The following TIAM1 variants were observed in gnomAD, a reference collection of about 807,000 sequenced individuals.
The protein encoded by TIAM1 is TIAM Rac1 associated GEF 1.
Under a neutral mutation model 163.5 loss-of-function variants are expected in TIAM1, and 65 were observed. The ratio of observed to expected loss-of-function variants is 0.40; its 90% CI spans 0.33 to 0.49. TIAM1 has a LOEUF of 0.49. Ranked by LOEUF, TIAM1 falls within the 20% of genes least tolerant of loss-of-function variation. The pLI, the probability that TIAM1 is intolerant of heterozygous loss-of-function variation, is 0.77. For missense variants in TIAM1, 1,789 were observed against 2,044.7 expected (o/e 0.87, Z 2.41); for synonymous variants, 833 against 810.1 (o/e 1.03, Z -0.48).
chr21:31,286,930 C>T (rs1158541412), intron 2 of TIAM1, among the ~76,000 whole-genome samples: 2 of 151,862 alleles, frequency 1.3e-5, no homozygotes, highest in African/African-American at 4.8e-5. Flanking sequence ...TTAGTCACTC[C>T]TCATTTTAAA....
In TIAM1 at chr21:31,141,026, A is replaced by G; in HGVS notation, c.3774+92T>C. The G allele has an allele frequency of 1.0e-6, 1 of 969,338 alleles. No individual in the cohort carries two copies. The highest frequency in any genetic ancestry group is 2.7e-5 in the East Asian group (1 of 37,614). 60.0% of individuals were successfully genotyped at this position (969,338 alleles called of 1,614,324 possible). Reference sequence around the variant, plus strand: ...CAGCATCCTAACTATTTTACTTACAAGTAACACCTTTTTAAAAAATAAATA... The same window carrying G: ...CAGCATCCTAACTATTTTACTTACAGGTAACACCTTTTTAAAAAATAAATA... On this transcript the variant is annotated intron_variant, in intron 22 of 27. Transcript: ENST00000541036. The surrounding 1 kb of genome is among the most constrained non-coding windows in gnomAD (Gnocchi z 4.7).
intron 1 of TIAM1, among the ~76,000 whole-genome samples, chr21:31,555,110 T>C (rs2048830596): frequency 6.6e-6 from 1 of 152,198 alleles, no homozygotes; most frequent in South Asian, 2.1e-4. Context: ...TGAGTACTGC[T>C]TTATTTCTGA....
At position 31,120,824 on chromosome 21, in the gene TIAM1, G is replaced by C; in HGVS notation, c.4320C>G (p.Ser1440Arg). ...GCCGCCTCCTCCTCCCAAGAGACTT[G>C]CTTGGGGCAGACACTGCACACACAC... ...PAMSRAVSAP[S>R]KSLGRRRRRL... Residue 1440 changes from serine to arginine, a missense_variant, in exon 28 of 28, where the codon AGC becomes AGG. Ser to Arg is a moderately radical substitution (Grantham distance 110, BLOSUM62 -1). Coordinates refer to ENST00000541036, the MANE Select transcript of TIAM1 (RefSeq NM_001353694.2). The surrounding 1 kb of genome is among the most constrained non-coding windows in gnomAD (Gnocchi z 4.2). 1 of 1,611,678 alleles carries C rather than the reference G, an allele frequency of 6.2e-7. No individual in the cohort carries two copies. The highest frequency in any genetic ancestry group is 8.5e-7 in the Non-Finnish European group (1 of 1,178,914).
At chr21:31,191,762 C>CT (rs2085574311) in intron 13 of TIAM1, among the ~76,000 whole-genome samples, 1 of 152,182 alleles carries the variant, frequency 6.6e-6, no homozygotes, top group Admixed American at 6.5e-5. Flanking sequence ...TAAATGGGTT[C>CT]TGTGAGTAAT....
chr21:31,271,200 G>T (rs2146836630), intron 3 of TIAM1, among the ~76,000 whole-genome samples: 1 of 151,564 alleles, frequency 6.6e-6, no homozygotes, highest in East Asian at 1.9e-4. Context: ...AGCCTGAAAG[G>T]TTGTAGGTGG....
chr21:31,387,195 C>CTTTTTTTTTTT (rs60592178), intron 2 of TIAM1, among the ~76,000 whole-genome samples: 9 of 75,150 alleles, frequency 1.2e-4, no homozygotes, highest in African/African-American at 1.7e-4. Context: ...AGCTTATTCT[C>CTTTTTTTTTTT]TTTTTTTTTT....
chr21:31,342,078 T>C (rs896004547), intron 1 of TIAM1, among the ~76,000 whole-genome samples: 1 of 151,960 alleles, frequency 6.6e-6, no homozygotes, highest in Non-Finnish European at 1.5e-5. Flanking sequence ...GTACATAAAA[T>C]GGGAAAATTT....
In TIAM1 at chr21:31,179,902, A is replaced by ATT. The variant is rs764892757; in HGVS notation, c.2887+2517_2887+2518dup. ...CGTACACGTACATATACATACACAG[A>ATT]TTTTTTTTTTTTTTTTTTTTTGAGA... On this transcript the variant is annotated intron_variant, in intron 15 of 27. Transcript: ENST00000541036. Among the ~76,000 whole-genome samples the ATT allele has an allele frequency of 1.1e-3, 138 of 131,246 alleles. 1 individual carries two copies. The highest frequency in any genetic ancestry group is 2.0e-3 in the African/African-American group (65 of 33,324). The allele number at this position is 131,246 out of a possible 152,430, so 86.1% of individuals were successfully genotyped here. A position where few individuals can be genotyped will look rare whatever the true frequency, so the allele number is the denominator to read the frequency against.
At chr21:31,219,255 T>C (rs779034952) in intron 8 of TIAM1, among the ~76,000 whole-genome samples, 79 of 152,208 alleles carry the variant, frequency 5.2e-4, no homozygotes, top group Non-Finnish European at 8.7e-4. Flanking sequence ...GTCCCAGGAA[T>C]TTAAGGGAAC....
At chr21:31,518,581 C>T (rs2047460939) in intron 1 of TIAM1, among the ~76,000 whole-genome samples, 1 of 152,130 alleles carries the variant, frequency 6.6e-6, no homozygotes, top group African/African-American at 2.4e-5. Flanking sequence ...GCCACTGCGC[C>T]CGGCCCTAAA....
chr21:31,494,261 A>G (rs978448689), intron 1 of TIAM1, among the ~76,000 whole-genome samples: 6 of 152,086 alleles, frequency 3.9e-5, no homozygotes, highest in Admixed American at 2.0e-4. Flanking sequence ...GAACACACAT[A>G]AGGCACTAAC....
intron 2 of TIAM1, among the ~76,000 whole-genome samples, chr21:31,320,710 T>C (rs1471858900): frequency 6.6e-6 from 1 of 152,046 alleles, no homozygotes; most frequent in Non-Finnish European, 1.5e-5. Context: ...AAAGGAGAGT[T>C]GGGCTGGGCG....
At chr21:31,497,240 T>C (rs1024765531) in intron 1 of TIAM1, among the ~76,000 whole-genome samples, 1 of 152,238 alleles carries the variant, frequency 6.6e-6, no homozygotes, top group Admixed American at 6.5e-5. Flanking sequence ...ACAACACATT[T>C]CTCAGAACAT....
intron 1 of TIAM1, among the ~76,000 whole-genome samples, chr21:31,485,559 C>T (rs1339769961): frequency 6.6e-6 from 1 of 152,206 alleles, no homozygotes; most frequent in Non-Finnish European, 1.5e-5. Flanking sequence ...CCTGGAATCT[C>T]TAATGACCAT....
At chr21:31,476,084 G>A (rs1366372550) in intron 1 of TIAM1, among the ~76,000 whole-genome samples, 2 of 152,132 alleles carry the variant, frequency 1.3e-5, no homozygotes, top group Non-Finnish European at 2.9e-5. Context: ...AGCACTTTTG[G>A]CAGGACAAAC....
At chr21:31,442,066 A>AAAAAAAAAAAATAT (rs1202451553) in intron 2 of TIAM1, among the ~76,000 whole-genome samples, 16 of 18,780 alleles carry the variant, frequency 8.5e-4, no homozygotes, top group African/African-American at 3.7e-3. Flanking sequence ...AGAACAAATA[A>AAAAAAAAAAAATAT]ATAAATATAT....
intron 2 of TIAM1, among the ~76,000 whole-genome samples, chr21:31,356,044 C>T (rs2076312244): frequency 1.3e-5 from 2 of 152,062 alleles, no homozygotes; most frequent in South Asian, 2.1e-4. Context: ...ATTTGAATAA[C>T]GGTCATTCAT....
chr21:31,347,188 T>A (rs948487467), upstream of TIAM1, among the ~76,000 whole-genome samples: 1 of 152,172 alleles, frequency 6.6e-6, no homozygotes, highest in African/African-American at 2.4e-5. Flanking sequence ...CTGAGCAACA[T>A]GTGAACACGT....
chr21:31,361,382 T>C (rs34827279), intron 2 of TIAM1, among the ~76,000 whole-genome samples: 2,596 of 152,170 alleles, frequency 0.017, 23 homozygotes, highest in African/African-American at 0.025. Flanking sequence ...AAATCAAGCC[T>C]GGTTGTTATC....
Sources: allele counts gnomAD v4.1 joint callset (sites outside exome capture counted in the v4.1 genomes callset), GRCh38; gene constraint gnomAD v4.1.1; non-coding constraint Gnocchi (gnomAD v3.1); transcripts MANE v1.5; gene names NCBI Gene and HGNC (gene_info 2026-07-23, HGNC 2026-07-21).